The following CCDC160 variants were observed in gnomAD, a reference collection of about 807,000 sequenced individuals.
The protein encoded by CCDC160 is coiled-coil domain-containing protein 160.
For synonymous variants in CCDC160, 94 were observed against 79.4 expected (o/e 1.18, Z -0.98); for missense variants, 227 against 215.6 (o/e 1.05, Z -0.33).
intron 1 of CCDC160, among the ~76,000 whole-genome samples, chrX:134,243,018 A>G (rs1406980591): frequency 9.0e-6 from 1 of 111,702 alleles, no homozygotes; most frequent in Non-Finnish European, 1.9e-5. Flanking sequence ...ATTTGCATTC[A>G]TATTTCTAGA....
At chrX:134,238,520 G>C (rs1168102583) in intron 1 of CCDC160, among the ~76,000 whole-genome samples, 1 of 108,628 alleles carries the variant, frequency 9.2e-6, no homozygotes, top group Non-Finnish European at 1.9e-5. Flanking sequence ...TTACAGGCGC[G>C]TGCCACCACG....
downstream of CCDC160, chrX:134,245,882 C>T: frequency 1.8e-6 from 1 of 565,440 alleles, no homozygotes; most frequent in Non-Finnish European, 2.6e-6. Flanking sequence ...ATGTTATTTT[C>T]ATTTTCAGTA....
chrX:134,241,460 A>G (rs2077027312), intron 1 of CCDC160, among the ~76,000 whole-genome samples: 1 of 111,914 alleles, frequency 8.9e-6, no homozygotes, highest in African/African-American at 3.2e-5. Context: ...AGGATAAATG[A>G]TGATGTTTTC....
exon 2 of CCDC160, chrX:134,245,698 G>C (rs773633063): frequency 1.7e-6 from 2 of 1,196,297 alleles, no homozygotes; most frequent in Admixed American, 4.6e-5. Context: ...CAGAGCCTTG[G>C]AGTTGCTTAG....
chrX:134,237,526 A>T (rs1156754469), intron 1 of CCDC160, among the ~76,000 whole-genome samples, 183 bp downstream of exon 1: 5 of 111,724 alleles, frequency 4.5e-5, no homozygotes, highest in African/African-American at 1.6e-4. Context: ...GAGGGAAAGG[A>T]CCAGGACGTG....
exon 2 of CCDC160, chrX:134,244,986 G>T (rs755338614): frequency 2.5e-6 from 3 of 1,178,822 alleles, no homozygotes. Context: ...GTAAATTTAA[G>T]AGGAAAAAAT....
chrX:134,244,744 G>T (rs1052155702), intron 1 of CCDC160, 33 bp from the exon 3 acceptor site: 1 of 1,103,975 alleles, frequency 9.1e-7, no homozygotes, highest in Admixed American at 3.8e-5. Context: ...TGTAAATAAT[G>T]TGCCTGCCTT....
chrX:134,243,360 T>G (rs1198531224), intron 1 of CCDC160: 5 of 749,933 alleles, frequency 6.7e-6, no homozygotes, highest in Non-Finnish European at 7.8e-6. Context: ...TTGGGGATGG[T>G]GAGTCCCTTC....
rs188392685 is a variant in CCDC160 at position 134,245,402 on chromosome X, A to G, written c.602A>G (p.Tyr201Cys). ...GAGACGGATGCTTCAAAAAGTGACT[A>G]TGAACTTCAAGCTTTAAGAAATGAC... The change falls in exon 2 of 2, where the codon TAT becomes TGT. Residue 201 changes from tyrosine to cysteine, a missense_variant. Coordinates refer to ENST00000370809, the Ensembl canonical transcript of CCDC160. The G allele has an allele frequency of 2.4e-4, 287 of 1,186,160 alleles. No homozygotes were observed. The East Asian group carries it at 7.9e-3, about 33-fold the overall frequency.
exon 2 of CCDC160, chrX:134,244,908 G>A (rs759528450): frequency 3.2e-5 from 39 of 1,203,614 alleles, no homozygotes; most frequent in Non-Finnish European, 3.5e-5. Context: ...CTGAACAAAC[G>A]ACTGCAGATA....
chrX:134,245,828 T>C (rs2124132297), downstream of CCDC160: 2 of 907,739 alleles, frequency 2.2e-6, no homozygotes, highest in South Asian at 3.4e-5. Context: ...AAATCAGTGT[T>C]TATTGTATTT....
chrX:134,237,584 C>T (rs2077014121), intron 1 of CCDC160, among the ~76,000 whole-genome samples: 1 of 111,709 alleles, frequency 9.0e-6, no homozygotes, highest in Non-Finnish European at 1.9e-5. Flanking sequence ...CTCCCGCCGC[C>T]CGCCAGCGAC....
At chrX:134,244,649 T>G in intron 1 of CCDC160, 128 bp from the exon 3 acceptor site, 1 of 604,438 alleles carries the variant, frequency 1.7e-6, no homozygotes, top group Non-Finnish European at 2.4e-6. Flanking sequence ...ATTCAGTGAG[T>G]TAGAGAGAGA....
chrX:134,246,414 CAT>C (rs1353023439), downstream of CCDC160, among the ~76,000 whole-genome samples: 4 of 111,941 alleles, frequency 3.6e-5, no homozygotes, highest in Non-Finnish European at 7.5e-5. Context: ...GACTTAGAGA[CAT>C]TGCTGTGACC....
chrX:134,237,539 A>C (rs1440216147), intron 1 of CCDC160, among the ~76,000 whole-genome samples, 196 bp downstream of exon 1: 1 of 111,567 alleles, frequency 9.0e-6, no homozygotes, highest in East Asian at 2.9e-4. Flanking sequence ...AGGACGTGGG[A>C]GTGGCAGTGC....
chrX:134,244,854 T>C lies in CCDC160; in HGVS notation c.54T>C (p.Ser18=). The C allele has an allele frequency of 1.3e-5, 16 of 1,188,994 alleles. No individual in the cohort carries two copies. In the South Asian group the frequency reaches 1.9e-4, roughly 14 times the overall value. ...AGAATATGTTTACTCCTTTTTTTAG[T>C]GCACAAGATGTTCTAGAAGAGACTT... Residue 18 remains serine, a synonymous_variant, in exon 2 of 2, where the codon AGT becomes AGC. Transcript: ENST00000370809.
At chrX:134,242,598 T>C (rs1329794859) in intron 1 of CCDC160, among the ~76,000 whole-genome samples, 1 of 110,943 alleles carries the variant, frequency 9.0e-6, no homozygotes, top group Admixed American at 9.6e-5. Context: ...CATGTGTGCA[T>C]ATGTGTATGT....
chrX:134,244,790 T>C, exon 2 of CCDC160: 1 of 1,154,252 alleles, frequency 8.7e-7, no homozygotes, highest in Non-Finnish European at 1.1e-6. Context: ...TTGGAAGAGG[T>C]GCCTGGAGAA....
At chrX:134,238,367 CTTT>C (rs1161935568) in intron 1 of CCDC160, among the ~76,000 whole-genome samples, 2 of 75,538 alleles carry the variant, frequency 2.6e-5, no homozygotes. Flanking sequence ...TATCACTTGT[CTTT>C]TTTTTTTTTT....
Sources: allele counts gnomAD v4.1 joint callset (sites outside exome capture counted in the v4.1 genomes callset), GRCh38; gene constraint gnomAD v4.1.1; transcripts MANE v1.5; gene names NCBI Gene and HGNC (gene_info 2026-07-23, HGNC 2026-07-21).